PDE1C: variants seen among roughly 807,000 people sequenced by gnomAD.
PDE1C encodes the protein dual specificity calcium/calmodulin-dependent 3',5'-cyclic nucleotide phosphodiesterase 1C.
Under a neutral mutation model 93.1 loss-of-function variants are expected in PDE1C, and 62 were observed. That is an observed-to-expected ratio of 0.67 (90% CI 0.54 to 0.82). The LOEUF is 0.82. Among genes scored for constraint, PDE1C ranks in the 40% least tolerant of loss-of-function variants. The pLI, the probability that PDE1C is intolerant of heterozygous loss-of-function variation, is 0.00. For synonymous variants in PDE1C, 325 were observed against 310.1 expected (o/e 1.05, Z -0.50); for missense variants, 742 against 884.6 (o/e 0.84, Z 2.04).
chr7:31,707,255 A>G, the PDE1C span: 1 of 1,613,956 alleles, frequency 6.2e-7, no homozygotes, highest in Non-Finnish European at 8.5e-7. Context: ...GAAGATGACG[A>G]AAAGGATGGT....
intron 16 of PDE1C, chr7:31,790,337 A>C (rs1362206016): frequency 7.5e-7 from 1 of 1,335,190 alleles, no homozygotes; most frequent in Non-Finnish European, 1.1e-6. Flanking sequence ...AAGTCTGAGG[A>C]GAAGGAAATC....
At chr7:31,830,246 C>T (rs1006619388) in intron 11 of PDE1C, among the ~76,000 whole-genome samples, 15 of 151,952 alleles carry the variant, frequency 9.9e-5, no homozygotes, top group African/African-American at 3.6e-4. Flanking sequence ...AACTTCTACT[C>T]ATGAGTCCAA....
chr7:32,234,431 G>T (rs1807925086), intron 1 of PDE1C, among the ~76,000 whole-genome samples: 1 of 151,812 alleles, frequency 6.6e-6, no homozygotes, highest in African/African-American at 2.4e-5. Flanking sequence ...GAAAAAAATA[G>T]GGGCTCAACA....
At chr7:31,786,187 A>T (rs758072173) in intron 16 of PDE1C, 1 of 151,778 alleles carries the variant, frequency 6.6e-6, no homozygotes, top group Non-Finnish European at 1.5e-5. Context: ...AAAAGTTTCC[A>T]CTCGGATTCT....
At chr7:32,385,346 T>G (rs921569403) in intron 1 of PDE1C, among the ~76,000 whole-genome samples, 1 of 152,216 alleles carries the variant, frequency 6.6e-6, no homozygotes, top group Non-Finnish European at 1.5e-5. Flanking sequence ...GTTTTTCATT[T>G]TTCCTTCTCC....
intron 2 of PDE1C, among the ~76,000 whole-genome samples, chr7:32,027,581 G>GA (rs113717905): frequency 0.7 from 68,603 of 98,010 alleles, 23,685 homozygotes; most frequent in East Asian, 0.83. Flanking sequence ...TGCAAAGGCA[G>GA]AAAAAAAAAA....
chr7:32,156,401 C>T (rs1399295619), intron 3 of PDE1C, among the ~76,000 whole-genome samples: 1 of 152,200 alleles, frequency 6.6e-6, no homozygotes, highest in Non-Finnish European at 1.5e-5. Context: ...TCCACAAGAG[C>T]CCCCGTTGGC....
At chr7:31,862,261 G>C (rs377286937) in intron 7 of PDE1C, among the ~76,000 whole-genome samples, 7 of 152,174 alleles carry the variant, frequency 4.6e-5, no homozygotes, top group African/African-American at 4.8e-5. Context: ...GCTTCCCATT[G>C]GTCTCTTCTA....
At chr7:32,374,289 A>AAG (rs749351567) in intron 1 of PDE1C, among the ~76,000 whole-genome samples, 36 of 149,856 alleles carry the variant, frequency 2.4e-4, no homozygotes, top group Non-Finnish European at 4.7e-4. Flanking sequence ...GAAAGAAAGA[A>AAG]AGAAAGAAAG....
intron 3 of PDE1C, among the ~76,000 whole-genome samples, chr7:32,094,545 T>C (rs1797645217): frequency 6.6e-6 from 1 of 152,224 alleles, no homozygotes. Context: ...GCAGCAGTTA[T>C]TGTTGAACAG....
intron 8 of PDE1C, among the ~76,000 whole-genome samples, chr7:31,848,576 A>C (rs1031702445): frequency 6.6e-6 from 1 of 152,254 alleles, no homozygotes; most frequent in African/African-American, 2.4e-5. Context: ...ACATTTTTCC[A>C]TGCAAAAGCC....
At chr7:32,276,023 T>C (rs1811260996) in intron 1 of PDE1C, among the ~76,000 whole-genome samples, 1 of 152,206 alleles carries the variant, frequency 6.6e-6, no homozygotes, top group Non-Finnish European at 1.5e-5. Context: ...ATCCAATTTA[T>C]GAAAATGCAA....
intron 2 of PDE1C, among the ~76,000 whole-genome samples, chr7:31,934,751 T>C (rs1804800092): frequency 6.6e-6 from 1 of 152,156 alleles, no homozygotes; most frequent in Admixed American, 6.5e-5. Context: ...CCCAGAAATT[T>C]TACTCAAGGT....
rs1357782298 is a variant in PDE1C at position 32,420,222 on chromosome 7, CATATATATGTAT to C, written c.310+7588_310+7599del. On this transcript the variant is annotated intron_variant, in intron 1 of 1. Transcript: ENST00000672256. The stretch of plus-strand genomic sequence containing the variant: ...ATATATACATATATATGTATATATA[CATATATATGTAT>C]ATATATGTGTATATATATACATGTG... Among the ~76,000 whole-genome samples the C allele has an allele frequency of 4.9e-4, 8 of 16,358 alleles. 1 individual carries two copies. Among genetic ancestry groups the C allele is most frequent in the African/African-American group, 1.4e-3 (8 of 5,790 alleles). 10.7% of individuals were successfully genotyped at this position (16,358 alleles called of 152,430 possible). A position where few individuals can be genotyped will look rare whatever the true frequency, so the allele number is the denominator to read the frequency against.
At chr7:32,256,646 C>A (rs920515027) in intron 1 of PDE1C, among the ~76,000 whole-genome samples, 2 of 152,192 alleles carry the variant, frequency 1.3e-5, no homozygotes, top group African/African-American at 4.8e-5. Context: ...CCCCACCCTG[C>A]TGTGGGTCTG....
At chr7:32,358,897 C>CTGTGTGTGTGTGTGTGTGTGTGTGTG (rs71559224) in intron 1 of PDE1C, among the ~76,000 whole-genome samples, 2,122 of 145,348 alleles carry the variant, frequency 0.015, 40 homozygotes, top group Middle Eastern at 0.046. Context: ...GTGTGTGTGT[C>CTGTGTGTGTGTGTGTGTGTGTGTGTG]TGTGTGTGTG....
intron 1 of PDE1C, among the ~76,000 whole-genome samples, chr7:32,374,283 G>GAA (rs1554314038): frequency 3.4e-5 from 5 of 148,790 alleles, no homozygotes; most frequent in Non-Finnish European, 7.4e-5. Context: ...AAGAAAGAAA[G>GAA]AAAGAAAGAA....
Position 31,825,481 on chromosome 7 carries a change from C to T in PDE1C, c.1286-494G>A, listed in dbSNP as rs969186948. Among the ~76,000 whole-genome samples, 12 of 152,130 alleles carry T rather than the reference C, an allele frequency of 7.9e-5. No individual in the cohort carries two copies. The South Asian group carries it at 1.0e-3, about 13-fold the overall frequency. On this transcript the variant is annotated intron_variant, in intron 12 of 17. Transcript: ENST00000396191. ...AGGAAAGCTTGGGAAGGCAGGTTAT[C>T]GACAGCTCTAGGAAGGGAGGCTTCT... is the stretch of plus-strand genomic sequence containing the variant.
At chr7:31,824,593 A>T (rs538742918) in intron 13 of PDE1C, among the ~76,000 whole-genome samples, 20 of 152,232 alleles carry the variant, frequency 1.3e-4, no homozygotes, top group Non-Finnish European at 2.5e-4. Context: ...TGGGCACAGC[A>T]GGTAAACATG....
Sources: allele counts gnomAD v4.1 joint callset (sites outside exome capture counted in the v4.1 genomes callset), GRCh38; gene constraint gnomAD v4.1.1; transcripts MANE v1.5; gene names NCBI Gene and HGNC (gene_info 2026-07-23, HGNC 2026-07-21).